The following AFF2 variants were observed in gnomAD, a reference collection of about 807,000 sequenced individuals.
AFF2 encodes the protein AF4/FMR2 family member 2.
AFF2 carries 14 observed loss-of-function variants against 76.9 expected under a neutral mutation model. The ratio of observed to expected loss-of-function variants is 0.18; its 90% CI spans 0.12 to 0.28. AFF2 has a LOEUF of 0.28. Ranked by LOEUF, AFF2 falls within the 10% of genes least tolerant of loss-of-function variation. AFF2 has a pLI of 1.00. For missense variants in AFF2, 868 were observed against 1,001.1 expected (o/e 0.87, Z 1.79); for synonymous variants, 398 against 366.7 (o/e 1.09, Z -0.98).
intron 3 of AFF2, among the ~76,000 whole-genome samples, chrX:148,665,191 T>A (rs1404613850): frequency 8.9e-6 from 1 of 111,984 alleles, no homozygotes; most frequent in Non-Finnish European, 1.9e-5. Context: ...CTCTCTCTTA[T>A]ACATTCACAA....
chrX:148,880,730 T>C (rs1346808523), intron 7 of AFF2, among the ~76,000 whole-genome samples: 1 of 111,626 alleles, frequency 9.0e-6, no homozygotes, highest in Admixed American at 9.5e-5. Flanking sequence ...AACCTGAGTG[T>C]AATAACCTCC....
chrX:148,902,556 C>A (rs1366480251), intron 8 of AFF2, among the ~76,000 whole-genome samples: 1 of 111,895 alleles, frequency 8.9e-6, no homozygotes. Flanking sequence ...GCAGTCCCCA[C>A]TTCTTGCCAG....
chrX:148,582,088 G>A (rs182416840), intron 1 of AFF2, among the ~76,000 whole-genome samples: 123 of 111,406 alleles, frequency 1.1e-3, no homozygotes, highest in African/African-American at 3.9e-3. Context: ...TATTAGTTTT[G>A]TCTTTGTTAG....
rs1340862782 is a variant in AFF2, at chrX:148,999,252, C to T, written c.*7920C>T. The T allele has an allele frequency of 1.8e-5, 2 of 111,296 alleles. No homozygotes were observed. Among genetic ancestry groups the T allele is most frequent in the African/African-American group, 6.5e-5 (2 of 30,580 alleles). 9.2% of individuals were successfully genotyped at this position (111,296 alleles called of 1,213,427 possible). A position where few individuals can be genotyped will look rare whatever the true frequency, so the allele number is the denominator to read the frequency against. ...GTGTTTGCTTTGTATCTAACAGGCA[C>T]ATTCACGTCTCGTGTACTCATATGA... On this transcript the variant is annotated 3_prime_UTR_variant, in exon 21 of 21. Coordinates refer to ENST00000370460, the MANE Select transcript of AFF2 (RefSeq NM_002025.4).
chrX:148,788,775 A>T (rs1419489159), intron 3 of AFF2, among the ~76,000 whole-genome samples: 4 of 111,765 alleles, frequency 3.6e-5, no homozygotes, highest in Non-Finnish European at 5.6e-5. Flanking sequence ...CTTGCTTATT[A>T]CTTGGTTGGG....
chrX:148,943,068 G>T (rs1462385280), intron 9 of AFF2, among the ~76,000 whole-genome samples: 1 of 111,389 alleles, frequency 9.0e-6, no homozygotes, highest in Non-Finnish European at 1.9e-5. Flanking sequence ...GAATGTATGG[G>T]CTAGTCTGGG....
chrX:148,644,424 A>T (rs1230380751), intron 1 of AFF2, among the ~76,000 whole-genome samples: 1 of 111,740 alleles, frequency 8.9e-6, no homozygotes, highest in East Asian at 2.8e-4. Context: ...CATGTATCTC[A>T]GTTTCCTCAT....
intron 1 of AFF2, among the ~76,000 whole-genome samples, chrX:148,549,056 C>T (rs1557238541): frequency 8.9e-6 from 1 of 111,896 alleles, no homozygotes; most frequent in Non-Finnish European, 1.9e-5. Flanking sequence ...CAGATTTGTT[C>T]TCATAATCTA....
At chrX:148,970,410 AT>A (rs1279195984) in intron 15 of AFF2, among the ~76,000 whole-genome samples, 8 of 112,383 alleles carry the variant, frequency 7.1e-5, no homozygotes, top group Admixed American at 6.6e-4. Context: ...CATAGAAAAT[AT>A]TTTGATAAAA....
At chrX:148,682,442 A>G (rs1232698797) in intron 3 of AFF2, among the ~76,000 whole-genome samples, 2 of 112,077 alleles carry the variant, frequency 1.8e-5, no homozygotes, top group Admixed American at 9.5e-5. Context: ...CACAGGTTAC[A>G]TGGGAAATAA....
intron 1 of AFF2, among the ~76,000 whole-genome samples, chrX:148,537,316 G>A (rs1277739101): frequency 8.9e-6 from 1 of 112,136 alleles, no homozygotes. Context: ...TGGGGAAAGG[G>A]TTGGTGAAAG....
chrX:148,708,343 A>G (rs1485116415), intron 3 of AFF2, among the ~76,000 whole-genome samples: 1 of 112,009 alleles, frequency 8.9e-6, no homozygotes, highest in Non-Finnish European at 1.9e-5. Flanking sequence ...ATTAGAGACA[A>G]CTACTCACAT....
intron 15 of AFF2, among the ~76,000 whole-genome samples, chrX:148,969,075 G>C (rs1201626618): frequency 8.9e-6 from 1 of 112,694 alleles, no homozygotes; most frequent in Non-Finnish European, 1.9e-5. Context: ...ATACATAGGA[G>C]ACCATGTAAA....
At chrX:148,667,378 C>G (rs2054370890) in intron 3 of AFF2, among the ~76,000 whole-genome samples, 1 of 112,223 alleles carries the variant, frequency 8.9e-6, no homozygotes, top group Non-Finnish European at 1.9e-5. Context: ...CTAGATATGT[C>G]CATGCAGCTA....
intron 1 of AFF2, among the ~76,000 whole-genome samples, chrX:148,570,826 G>A (rs1231103870): frequency 9.0e-6 from 1 of 110,768 alleles, no homozygotes; most frequent in Non-Finnish European, 1.9e-5. Flanking sequence ...TTGATCCATC[G>A]CTCCAATCCT....
chrX:148,812,978 A>G (rs1238481930), intron 4 of AFF2, among the ~76,000 whole-genome samples: 1 of 111,966 alleles, frequency 8.9e-6, no homozygotes, highest in African/African-American at 3.2e-5. Flanking sequence ...TCTTCCAGCA[A>G]TTTTCTTCTT....
chrX:148,514,647 C>T (rs1215119280), intron 1 of AFF2, among the ~76,000 whole-genome samples: 1 of 112,366 alleles, frequency 8.9e-6, no homozygotes, highest in African/African-American at 3.2e-5. Flanking sequence ...CCGACTTTAA[C>T]AGCCATAGAA....
At chrX:148,762,084 G>A (rs1557267340) in intron 3 of AFF2, among the ~76,000 whole-genome samples, 26 of 110,287 alleles carry the variant, frequency 2.4e-4, no homozygotes, top group Non-Finnish European at 3.0e-4. Context: ...GGGGGAACAA[G>A]TGGTGTTTGG....
intron 3 of AFF2, among the ~76,000 whole-genome samples, chrX:148,710,844 A>G (rs73249435): frequency 0.099 from 10,993 of 111,332 alleles, 393 homozygotes; most frequent in Middle Eastern, 0.23. Flanking sequence ...GTGAAATAGT[A>G]CCAGTTTCAT....
Sources: gnomAD v4.1 joint callset for allele counts (sites outside exome capture counted in the v4.1 genomes callset) on GRCh38, gnomAD v4.1.1 for gene constraint, MANE v1.5 for transcripts, NCBI Gene and HGNC (gene_info 2026-07-23, HGNC 2026-07-21) for gene names.